Variants in HCN4 observed in about 807,000 individuals in gnomAD.
HCN4 encodes the protein potassium/sodium hyperpolarization-activated cyclic nucleotide-gated channel 4.
In HCN4, 29 loss-of-function variants were observed where a neutral mutation model predicts 76.9. That is an observed-to-expected ratio of 0.38 (90% CI 0.28 to 0.51). The LOEUF (loss-of-function observed/expected upper bound fraction) is 0.51, where lower values mean the gene tolerates loss of function less well. HCN4 is among the 20% of genes least tolerant of loss of function. The probability of loss-of-function intolerance (pLI) is 0.90; values close to 1 mark genes in which losing one functional copy is unlikely to be tolerated. For synonymous variants in HCN4, 772 were observed against 762.5 expected, an observed-to-expected ratio of 1.01 and a Z score of -0.21; for missense variants, 1,416 against 1,715.2, an observed-to-expected ratio of 0.83 and a Z score of 3.08.
At chr15:73,356,175 G>A (rs2043078533) in intron 1 of HCN4, among the ~76,000 whole-genome samples, 3 of 147,330 alleles carry the variant, frequency 2.0e-5, no homozygotes, top group South Asian at 4.3e-4. Context: ...GGGGCAGAAC[G>A]TCTTTGTTTT....
chr15:73,355,880 A>G (rs1253478544), intron 1 of HCN4, among the ~76,000 whole-genome samples: 1 of 152,178 alleles, frequency 6.6e-6, no homozygotes, highest in Non-Finnish European at 1.5e-5. Context: ...TGCTTCACCC[A>G]GTGGACAAGA....
intron 1 of HCN4, among the ~76,000 whole-genome samples, chr15:73,346,037 A>C (rs1389893683): frequency 2.0e-5 from 3 of 152,216 alleles, no homozygotes; most frequent in Non-Finnish European, 4.4e-5. Flanking sequence ...TGCATAAGGC[A>C]AAAACACCCA....
chr15:73,337,779 C>A (rs1012406490), intron 2 of HCN4, among the ~76,000 whole-genome samples: 6 of 151,964 alleles, frequency 3.9e-5, no homozygotes, highest in Non-Finnish European at 7.4e-5. Flanking sequence ...AAAAAGGTAC[C>A]CGCTCTGGGC....
intron 1 of HCN4, among the ~76,000 whole-genome samples, chr15:73,352,142 G>C (rs967792933): frequency 2.6e-5 from 4 of 152,188 alleles, no homozygotes; most frequent in African/African-American, 9.7e-5. Flanking sequence ...CTCTGAAGTC[G>C]GCGCAGTACC....
At position 73,368,261 on chromosome 15, in the gene HCN4, G is replaced by A. The variant is rs938420945; in HGVS notation, c.10C>T (p.Leu4=). The A allele has an allele frequency of 2.7e-6, 4 of 1,492,870 alleles. No individual in the cohort carries two copies. Among genetic ancestry groups the A allele is most frequent in the Admixed American group, 4.3e-5 (2 of 46,104 alleles). The allele number at this position is 1,492,870 out of a possible 1,614,324, so 92.5% of individuals were successfully genotyped here. Residue 4 remains leucine (L), a synonymous_variant, in exon 1 of 8, where the codon CTG becomes TTG. Coordinates refer to ENST00000261917, the MANE Select transcript of HCN4 (RefSeq NM_005477.3). The surrounding 1 kb of genome is among the most constrained non-coding windows in gnomAD (Gnocchi z 6.9). MDK[L]PPSMRKRLYS... ...AGCCGCTTGCGCATGGACGGCGGCA[G>A]CTTGTCCATGGCGCCAGGGGCCGGG... is the stretch of plus-strand genomic sequence containing the variant.
At chr15:73,340,807 C>T (rs1171015112) in intron 2 of HCN4, among the ~76,000 whole-genome samples, 1 of 152,222 alleles carries the variant, frequency 6.6e-6, no homozygotes, top group Non-Finnish European at 1.5e-5. Flanking sequence ...AGTCCAGTCC[C>T]CCATGGAGGG....
chr15:73,366,171 T>C (rs74022956), intron 1 of HCN4, among the ~76,000 whole-genome samples: 22 of 152,132 alleles, frequency 1.4e-4, no homozygotes, highest in African/African-American at 5.3e-4. Flanking sequence ...AAGAGCAGTC[T>C]GTCAAAGGAA....
intron 2 of HCN4, chr15:73,342,346 T>A (rs1206250256): frequency 2.6e-5 from 4 of 152,358 alleles, no homozygotes; most frequent in African/African-American, 9.6e-5. Flanking sequence ...CCCTTTACAG[T>A]TTCTGAGCAC....
intron 3 of HCN4, among the ~76,000 whole-genome samples, chr15:73,330,811 A>G (rs996125694): frequency 6.6e-6 from 1 of 152,108 alleles, no homozygotes; most frequent in Non-Finnish European, 1.5e-5. Context: ...TCTAGACTGG[A>G]GTGGGGACCA....
Position 73,367,668 on chromosome 15 carries a change from G to A in HCN4, c.603C>T (p.Leu201=). ...GGCCCAGGCGCACCTCGGCCTCCGG[G>A]AGGATCTGGTCGCCGGCAGCCGCGC... ...EGGAAAGDQI[L]PEAEVRLGQA... The change falls in exon 1 of 8, where the codon CTC becomes CTT. Residue 201 remains leucine, a synonymous_variant. Transcript: ENST00000261917. The surrounding 1 kb of genome is among the most constrained non-coding windows in gnomAD (Gnocchi z 7.5). The A allele has an allele frequency of 6.2e-7, 1 of 1,607,010 alleles. No homozygotes were observed. Among genetic ancestry groups the A allele is most frequent in the Admixed American group, 1.7e-5 (1 of 59,988 alleles).
chr15:73,343,639 C>A lies in HCN4; in HGVS notation c.955G>T (p.Val319Leu). 1.9e-6 allele frequency: 3 copies of A among 1,614,158 alleles called. No homozygotes were observed. The highest frequency in any genetic ancestry group is 2.2e-5 in the South Asian group (2 of 91,072). Residue 319 changes from valine to leucine, a missense_variant, in exon 2 of 8, where the codon GTG becomes TTG. Around this residue, in one of 6 missense-constraint regions of HCN4, gnomAD observed 52 missense variants for 129.1 expected, o/e 0.40. Transcript: ENST00000261917. The surrounding 1 kb of genome is among the most constrained non-coding windows in gnomAD (Gnocchi z 5.7). ...ATGATCTCTGTGTTGTCCTCCACCA[C>A]GATCCCTGTGCGGAAGTTGAGGACC... ...DLVLNFRTGIVVEDNTEIILD... is the reference protein window; with the variant it reads ...DLVLNFRTGILVEDNTEIILD...
chr15:73,367,937 CG>C lies in HCN4; in HGVS notation c.333del (p.Gly112AlafsTer120). The C allele has an allele frequency of 7.4e-7, 1 of 1,355,990 alleles. No homozygotes were observed. The highest frequency in any genetic ancestry group is 2.0e-5 in the South Asian group (1 of 51,058). 84.0% of individuals were successfully genotyped at this position (1,355,990 alleles called of 1,614,324 possible). A position where few individuals can be genotyped will look rare whatever the true frequency, so the allele number is the denominator to read the frequency against. ...ASLGSRGGGSGGTGSGSSHGH... is the reference protein window; with the variant it reads ...ASLGSRGGGSXGTGSGSSHGH... ...CCGTGACTGCTGCCGCTCCCCGTGC[CG>C]CCGCTGCCGCCGCCCCGGCTGCCCA... On this transcript the variant is annotated frameshift_variant, in exon 1 of 8. Transcript: ENST00000261917. LOFTEE classifies it high-confidence loss of function. This position sits in a 1 kb window ranked among gnomAD's most constrained non-coding sequence, Gnocchi z 7.5.
intron 1 of HCN4, among the ~76,000 whole-genome samples, chr15:73,361,330 T>C (rs1033327625): frequency 6.6e-6 from 1 of 152,146 alleles, no homozygotes; most frequent in Admixed American, 6.5e-5. Flanking sequence ...ACTGCAGACT[T>C]CTAGGGCCCT....
intron 1 of HCN4, among the ~76,000 whole-genome samples, chr15:73,347,904 C>T (rs191107186): frequency 1.3e-5 from 2 of 152,302 alleles, no homozygotes; most frequent in Non-Finnish European, 2.9e-5. Flanking sequence ...TCTGGGAGCC[C>T]CAGCAGCCCC....
intron 3 of HCN4, among the ~76,000 whole-genome samples, chr15:73,330,588 G>T (rs940076827): frequency 1.7e-4 from 26 of 152,202 alleles, no homozygotes; most frequent in Admixed American, 1.7e-3. Context: ...TGAACCTGAC[G>T]AATGCCAGCA....
chr15:73,331,750 C>A (rs758718432), intron 3 of HCN4, among the ~76,000 whole-genome samples: 2 of 152,310 alleles, frequency 1.3e-5, no homozygotes, highest in Middle Eastern at 3.4e-3. Flanking sequence ...CAGCCTCAGG[C>A]TCAGCTTTTA....
In HCN4 at chr15:73,368,386, T is replaced by TG. The variant is rs892504501; in HGVS notation, c.-117dup. On this transcript the variant is annotated 5_prime_UTR_variant, in exon 1 of 8. Transcript: ENST00000261917. This position sits in a 1 kb window ranked among gnomAD's most constrained non-coding sequence, Gnocchi z 6.9. ...GGGGACGCGTCCTTTGCCGCCGGCG[T>TG]GGGGGCAGCCTCAGGCGCCCATGCT... is the stretch of plus-strand genomic sequence containing the variant. 1.5e-5 allele frequency: 10 copies of TG among 656,904 alleles called. No homozygotes were observed. The highest frequency in any genetic ancestry group is 2.2e-5 in the Non-Finnish European group (10 of 452,548). 40.7% of individuals were successfully genotyped at this position (656,904 alleles called of 1,614,324 possible).
chr15:73,323,038 A>G lies in HCN4; in HGVS notation c.3055T>C (p.Phe1019Leu). The G allele has an allele frequency of 6.6e-7, 1 of 1,504,832 alleles. No homozygotes were observed. The allele number at this position is 1,504,832 out of a possible 1,614,324, so 93.2% of individuals were successfully genotyped here. A position where few individuals can be genotyped will look rare whatever the true frequency, so the allele number is the denominator to read the frequency against. ...GGGCTGAGACCTCCTCGGGGAGTAA[A>G]GCCTACAGGGGAAGCCCCCCCAGAG... is the stretch of plus-strand genomic sequence containing the variant. ...GASGGASPVG[F>L]TPRGGLSPPG... The change falls in exon 8 of 8, where the codon TTT becomes CTT. Residue 1019 changes from phenylalanine to leucine, a missense_variant. Physicochemically the swap from Phe to Leu is conservative, Grantham distance 22. Coordinates refer to ENST00000261917, the MANE Select transcript of HCN4 (RefSeq NM_005477.3).
chr15:73,325,459 AG>A lies in HCN4; in HGVS notation c.1591-16del. The A allele has an allele frequency of 6.2e-7, 1 of 1,613,506 alleles. No individual in the cohort carries two copies. The highest frequency in any genetic ancestry group is 8.5e-7 in the Non-Finnish European group (1 of 1,179,790). On this transcript the variant is annotated splice_polypyrimidine_tract_variant and intron_variant, in intron 4 of 7. Coordinates refer to ENST00000261917, the MANE Select transcript of HCN4 (RefSeq NM_005477.3). This position sits in a 1 kb window ranked among gnomAD's most constrained non-coding sequence, Gnocchi z 7.4. ...ACCTGCTTGTACTGAGGCCGGGAGA[AG>A]GGGGCGTCAGCTCCACCCCACCAGG... is the stretch of plus-strand genomic sequence containing the variant.
Sources: allele counts gnomAD v4.1 joint callset (sites outside exome capture counted in the v4.1 genomes callset), GRCh38; gene constraint gnomAD v4.1.1; regional missense constraint gnomAD v4.1.1; non-coding constraint Gnocchi (gnomAD v3.1); transcripts MANE v1.5; gene names NCBI Gene and HGNC (gene_info 2026-07-23, HGNC 2026-07-21).